Variants in KCNAB1 observed in about 807,000 individuals in gnomAD.
KCNAB1 encodes potassium voltage-gated channel subfamily A regulatory beta subunit 1.
In KCNAB1, 35 loss-of-function variants were observed where a neutral mutation model predicts 64.6. The observed-to-expected ratio is 0.54, with a 90% confidence interval of 0.41 to 0.72. The LOEUF (loss-of-function observed/expected upper bound fraction) is 0.72. KCNAB1 is among the 30% of genes least tolerant of loss of function. KCNAB1 has a pLI of 0.00. For missense variants in KCNAB1, 401 were observed against 512.9 expected (o/e 0.78, Z 2.11); for synonymous variants, 177 against 183.8 (o/e 0.96, Z 0.30).
At chr3:156,385,364 A>C (rs897552762) in intron 1 of KCNAB1, among the ~76,000 whole-genome samples, 2 of 152,126 alleles carry the variant, frequency 1.3e-5, no homozygotes, top group Non-Finnish European at 2.9e-5. Context: ...TAAGTCTATT[A>C]GCTTAGAAAG....
chr3:156,265,490 C>A (rs1337877359), intron 1 of KCNAB1, among the ~76,000 whole-genome samples: 1 of 152,116 alleles, frequency 6.6e-6, no homozygotes, highest in Non-Finnish European at 1.5e-5. Flanking sequence ...GACTGGTGAT[C>A]CTTTCATGTG....
chr3:156,463,594 T>C (rs1713108599), intron 5 of KCNAB1, 108 bp from the exon 6 acceptor site: 1 of 879,784 alleles, frequency 1.1e-6, no homozygotes, highest in South Asian at 1.6e-5. Context: ...ATTTTTAAAA[T>C]GTGAGGTATA....
intron 1 of KCNAB1, among the ~76,000 whole-genome samples, chr3:156,349,956 G>A (rs529487283): frequency 1.3e-5 from 2 of 151,996 alleles, no homozygotes; most frequent in African/African-American, 4.8e-5. Flanking sequence ...TAGCCTATTG[G>A]TGTTCTCTAA....
intron 1 of KCNAB1, among the ~76,000 whole-genome samples, chr3:156,234,837 T>C (rs1221530436): frequency 6.6e-6 from 1 of 152,212 alleles, no homozygotes; most frequent in African/African-American, 2.4e-5. Context: ...ACTCCTGATA[T>C]CTTCACTCAC....
intron 1 of KCNAB1, among the ~76,000 whole-genome samples, chr3:156,140,320 A>T (rs1346692544): frequency 2.0e-5 from 3 of 152,198 alleles, no homozygotes; most frequent in African/African-American, 7.2e-5. Flanking sequence ...TCAGGCTGTT[A>T]CCATAGACTT....
chr3:156,364,629 T>C (rs1725830502), intron 1 of KCNAB1, among the ~76,000 whole-genome samples: 1 of 151,910 alleles, frequency 6.6e-6, no homozygotes, highest in African/African-American at 2.4e-5. Flanking sequence ...AAATACAAAA[T>C]TAGCCAGGTG....
intron 8 of KCNAB1, among the ~76,000 whole-genome samples, chr3:156,513,487 G>A (rs1414059719): frequency 2.0e-5 from 3 of 152,134 alleles, no homozygotes; most frequent in Non-Finnish European, 4.4e-5. Flanking sequence ...GAGTGACCTG[G>A]CATCCTGTTA....
chr3:156,514,609 C>A (rs1006855940), intron 9 of KCNAB1, among the ~76,000 whole-genome samples, 160 bp downstream of exon 9: 5 of 152,148 alleles, frequency 3.3e-5, no homozygotes, highest in Non-Finnish European at 5.9e-5. Flanking sequence ...ATATTGGAGC[C>A]GGAGCTCATC....
chr3:156,187,744 C>G (rs998811671), intron 1 of KCNAB1, among the ~76,000 whole-genome samples: 3 of 152,234 alleles, frequency 2.0e-5, no homozygotes, highest in Admixed American at 1.3e-4. Flanking sequence ...CCTCATTTTA[C>G]TCCATCACCC....
intron 1 of KCNAB1, among the ~76,000 whole-genome samples, chr3:156,284,287 G>A (rs1416031891): frequency 1.3e-5 from 2 of 152,172 alleles, no homozygotes; most frequent in African/African-American, 4.8e-5. Flanking sequence ...TCAGGGGTCA[G>A]GGGTCAGGGA....
At chr3:156,158,401 T>C (rs1455796045) in intron 1 of KCNAB1, among the ~76,000 whole-genome samples, 1 of 152,130 alleles carries the variant, frequency 6.6e-6, no homozygotes, top group Non-Finnish European at 1.5e-5. Context: ...TAAATACTCT[T>C]ACACTGAAAT....
At chr3:156,335,466 C>T (rs1723626950) in intron 1 of KCNAB1, among the ~76,000 whole-genome samples, 1 of 152,232 alleles carries the variant, frequency 6.6e-6, no homozygotes, top group Non-Finnish European at 1.5e-5. Context: ...CGTGTCTGGT[C>T]TTCCCTTGAC....
intron 1 of KCNAB1, among the ~76,000 whole-genome samples, chr3:156,305,503 C>T (rs1721438462): frequency 6.6e-6 from 1 of 152,182 alleles, no homozygotes; most frequent in Non-Finnish European, 1.5e-5. Flanking sequence ...GAGACTTGTC[C>T]TCTTCACATT....
chr3:156,512,505 C>T (rs1018896344), intron 8 of KCNAB1, among the ~76,000 whole-genome samples: 1 of 152,230 alleles, frequency 6.6e-6, no homozygotes, highest in Non-Finnish European at 1.5e-5. Context: ...CCCAGAACAG[C>T]AGACACCTAG....
intron 1 of KCNAB1, among the ~76,000 whole-genome samples, chr3:156,186,365 C>T (rs1713190857): frequency 6.6e-6 from 1 of 152,120 alleles, no homozygotes; most frequent in Non-Finnish European, 1.5e-5. Flanking sequence ...TGTCCTATTC[C>T]TTTCCACCTC....
At chr3:156,378,220 C>A (rs77827103) in intron 1 of KCNAB1, among the ~76,000 whole-genome samples, 1 of 151,954 alleles carries the variant, frequency 6.6e-6, no homozygotes, top group Non-Finnish European at 1.5e-5. Flanking sequence ...AGCTTAGGAG[C>A]GGAGATCACT....
At chr3:156,365,867 C>G (rs935462579) in intron 1 of KCNAB1, among the ~76,000 whole-genome samples, 10 of 152,116 alleles carry the variant, frequency 6.6e-5, no homozygotes, top group African/African-American at 2.4e-4. Flanking sequence ...TCAAGGCAAA[C>G]AGGTTTTTAA....
intron 8 of KCNAB1, among the ~76,000 whole-genome samples, chr3:156,484,851 A>G (rs1027183721): frequency 7.9e-5 from 10 of 126,502 alleles, no homozygotes; most frequent in Non-Finnish European, 1.4e-4. Flanking sequence ...AATATTTAAT[A>G]TGTGTCCTAA....
At chr3:156,351,041 T>G (rs899904916) in intron 1 of KCNAB1, among the ~76,000 whole-genome samples, 2 of 152,214 alleles carry the variant, frequency 1.3e-5, no homozygotes, top group African/African-American at 4.8e-5. Context: ...TAAAAGATAG[T>G]GCGGTGGGAG....
Sources: gnomAD v4.1 joint callset for allele counts (sites outside exome capture counted in the v4.1 genomes callset) on GRCh38, gnomAD v4.1.1 for gene constraint, MANE v1.5 for transcripts, NCBI Gene and HGNC (gene_info 2026-07-23, HGNC 2026-07-21) for gene names.